The following EIF4G3 variants were observed in gnomAD, a reference collection of about 807,000 sequenced individuals.
EIF4G3 encodes the protein eukaryotic translation initiation factor 4 gamma 3, also known as eIF-4-gamma 3.
A neutral mutation model predicts 186.4 loss-of-function variants in EIF4G3; 34 were observed. The observed-to-expected ratio is 0.18, with a 90% CI of 0.14 to 0.24. The LOEUF is 0.24. EIF4G3 is among the 10% of genes least tolerant of loss of function. The pLI is 1.00. For synonymous variants in EIF4G3, 673 were observed against 679.5 expected, an observed-to-expected ratio of 0.99 and a Z score of 0.15; for missense variants, 1,536 against 1,948.5, an observed-to-expected ratio of 0.79 and a Z score of 3.99.
chr1:21,092,110 A>G (rs6692687), intron 2 of EIF4G3, among the ~76,000 whole-genome samples: 56,182 of 151,988 alleles, frequency 0.37, 11,025 homozygotes, highest in Non-Finnish European at 0.43. Flanking sequence ...CCCATTCAGT[A>G]TGATATTGGC....
chr1:20,932,993 C>T lies in EIF4G3; in HGVS notation c.1663+8498G>A, dbSNP rs144348156. ...TACTCAGAAGACTCCTACTATATGG[C>T]GCTTTTGAAATAATCTCCAGGCTTC... On this transcript the variant is annotated intron_variant, in intron 14 of 36. Transcript: ENST00000602326. Among the ~76,000 whole-genome samples the T allele has an allele frequency of 3.3e-5, 5 of 152,190 alleles. No homozygotes were observed. The East Asian group carries it at 9.7e-4, about 29-fold the overall frequency.
Position 20,941,752 on chromosome 1 carries a change from G to A in EIF4G3, c.1402C>T (p.Pro468Ser), listed in dbSNP as rs897854375. 8.7e-6 allele frequency: 14 copies of A among 1,611,098 alleles called. No homozygotes were observed. Among genetic ancestry groups the A allele is most frequent in the Admixed American group, 1.7e-5 (1 of 59,720 alleles). The change falls in exon 14 of 37, where the codon CCT becomes TCT. Residue 468 changes from proline (P) to serine (S), a missense_variant. Physicochemically the swap from Pro to Ser is moderately conservative, Grantham distance 74. Coordinates refer to ENST00000602326, the MANE Select transcript of EIF4G3 (RefSeq NM_001391906.1). ...GTTGGAGGAGTTGGAGGAAAGGAAG[G>A]AACTGTGGAAGGGGTGATGGGAGCT... Reference protein sequence around the residue: ...IPAPITPSTVPSFPPTPPTPP... With the variant: ...IPAPITPSTVSSFPPTPPTPP...
At chr1:20,963,188 A>G (rs1372104609) in intron 12 of EIF4G3, among the ~76,000 whole-genome samples, 1 of 152,140 alleles carries the variant, frequency 6.6e-6, no homozygotes, top group Non-Finnish European at 1.5e-5. Context: ...CACTAAATGA[A>G]AACACAGACC....
At chr1:20,854,909 A>T in intron 26 of EIF4G3, 69 bp downstream of exon 26, 1 of 1,293,430 alleles carries the variant, frequency 7.7e-7, no homozygotes, top group Admixed American at 1.8e-5. Flanking sequence ...TTCGATGACT[A>T]TGGGAATGCG....
intron 14 of EIF4G3, 168 bp downstream of exon 14, chr1:20,941,323 T>C (rs1159749336): frequency 3.2e-6 from 5 of 1,563,800 alleles, no homozygotes; most frequent in Non-Finnish European, 4.3e-6. Context: ...GTAACTCTTT[T>C]GCAGGTTGTA....
At chr1:20,940,677 T>A (rs948612578) in intron 14 of EIF4G3, among the ~76,000 whole-genome samples, 1 of 152,194 alleles carries the variant, frequency 6.6e-6, no homozygotes, top group Non-Finnish European at 1.5e-5. Context: ...TTATATAGCA[T>A]AGGGCAATGT....
At chr1:21,080,450 A>T (rs1056886139) in intron 3 of EIF4G3, among the ~76,000 whole-genome samples, 4 of 149,086 alleles carry the variant, frequency 2.7e-5, no homozygotes, top group Non-Finnish European at 4.5e-5. Flanking sequence ...CAAAAAAAAG[A>T]AAAAAAAAAG....
intron 34 of EIF4G3, among the ~76,000 whole-genome samples, chr1:20,813,675 T>A (rs901607754): frequency 1.3e-5 from 2 of 151,784 alleles, no homozygotes; most frequent in Non-Finnish European, 2.9e-5. Flanking sequence ...GAGACCAATC[T>A]GGCCAACATG....
At chr1:21,140,960 C>T (rs932532013) in intron 2 of EIF4G3, among the ~76,000 whole-genome samples, 1 of 152,080 alleles carries the variant, frequency 6.6e-6, no homozygotes, top group African/African-American at 2.4e-5. Flanking sequence ...TTGAGAATGA[C>T]TTAATGAATG....
chr1:20,967,566 T>C (rs2074969646), intron 12 of EIF4G3, among the ~76,000 whole-genome samples: 2 of 152,168 alleles, frequency 1.3e-5, no homozygotes, highest in African/African-American at 4.8e-5. Context: ...CATGTCCAGA[T>C]GGACATATAT....
At chr1:20,978,706 T>C (rs1353167273) in intron 10 of EIF4G3, among the ~76,000 whole-genome samples, 2 of 150,796 alleles carry the variant, frequency 1.3e-5, no homozygotes, top group Admixed American at 6.6e-5. Context: ...ACCCATGGTA[T>C]GTATAGGGTA....
At chr1:20,992,374 C>A (rs1224051978) in intron 7 of EIF4G3, among the ~76,000 whole-genome samples, 1 of 152,124 alleles carries the variant, frequency 6.6e-6, no homozygotes, top group Admixed American at 6.5e-5. Context: ...CACAAACTTT[C>A]AGTAAAGAAA....
intron 18 of EIF4G3, among the ~76,000 whole-genome samples, chr1:20,888,198 AC>A (rs1279764923): frequency 6.6e-6 from 1 of 152,154 alleles, no homozygotes; most frequent in Non-Finnish European, 1.5e-5. Context: ...TCTTTACCTG[AC>A]CCAAGACAAA....
chr1:20,957,722 A>G (rs929458098), intron 12 of EIF4G3, among the ~76,000 whole-genome samples: 5 of 152,144 alleles, frequency 3.3e-5, no homozygotes, highest in Admixed American at 3.3e-4. Flanking sequence ...GAGACATTAC[A>G]ACAAACACCA....
chr1:20,938,177 T>G (rs2095581162), intron 14 of EIF4G3, among the ~76,000 whole-genome samples: 1 of 152,126 alleles, frequency 6.6e-6, no homozygotes, highest in Admixed American at 6.5e-5. Context: ...GTATTTTTAG[T>G]AGATACGGGG....
intron 2 of EIF4G3, among the ~76,000 whole-genome samples, chr1:21,115,195 T>C (rs566674658): frequency 6.6e-6 from 1 of 152,186 alleles, no homozygotes; most frequent in East Asian, 1.9e-4. Context: ...AGCTTAATCA[T>C]TTCTAGCTAT....
At chr1:21,107,657 A>C (rs754327717) in intron 2 of EIF4G3, among the ~76,000 whole-genome samples, 30 of 152,220 alleles carry the variant, frequency 2.0e-4, no homozygotes, top group Non-Finnish European at 4.0e-4. Context: ...CATTACAGCT[A>C]TTCATACAAG....
intron 3 of EIF4G3, among the ~76,000 whole-genome samples, chr1:21,085,656 C>G (rs2095943029): frequency 6.6e-6 from 1 of 152,090 alleles, no homozygotes; most frequent in African/African-American, 2.4e-5. Context: ...CTTGGCCTCC[C>G]CAAGTGCTGA....
At chr1:20,839,409 C>G (rs906509101) in intron 30 of EIF4G3, among the ~76,000 whole-genome samples, 4 of 152,270 alleles carry the variant, frequency 2.6e-5, no homozygotes, top group African/African-American at 9.6e-5. Flanking sequence ...CCACGCCTGG[C>G]AAGAAAACTT....
Sources: gnomAD v4.1 joint callset for allele counts (sites outside exome capture counted in the v4.1 genomes callset) on GRCh38, gnomAD v4.1.1 for gene constraint, MANE v1.5 for transcripts, NCBI Gene and HGNC (gene_info 2026-07-23, HGNC 2026-07-21) for gene names.